The following UBE3D variants were observed in gnomAD, a reference collection of about 807,000 sequenced individuals.
UBE3D encodes the protein E3 ubiquitin-protein ligase E3D.
A neutral mutation model predicts 49.6 loss-of-function variants in UBE3D; 48 were observed. The observed-to-expected ratio is 0.97, with a 90% CI of 0.77 to 1.23. UBE3D has a LOEUF of 1.23. Among genes scored for constraint, UBE3D ranks in the 50% most tolerant of loss-of-function variants. The pLI is 0.00. For missense variants in UBE3D, 452 were observed against 468.4 expected (o/e 0.96, Z 0.32); for synonymous variants, 189 against 174.2 (o/e 1.08, Z -0.67).
chr6:82,987,829 G>C (rs1331775432), intron 8 of UBE3D, among the ~76,000 whole-genome samples: 1 of 152,154 alleles, frequency 6.6e-6, no homozygotes, highest in Middle Eastern at 3.2e-3. Flanking sequence ...AATGTCCACA[G>C]AAAGAATAAC....
intron 5 of UBE3D, among the ~76,000 whole-genome samples, chr6:83,025,882 TA>T (rs70987730): frequency 0.57 from 51,081 of 90,334 alleles, 11,228 homozygotes; most frequent in East Asian, 0.65. Context: ...GACTCCATCT[TA>T]AAAAAAAAAA....
At position 83,018,984 on chromosome 6, in the gene UBE3D, G is replaced by T. The variant is rs1245736040; in HGVS notation, c.999C>A (p.Ser333Arg). 1 of 1,612,492 alleles carries T rather than the reference G, an allele frequency of 6.2e-7. No individual in the cohort carries two copies. Among genetic ancestry groups the T allele is most frequent in the East Asian group, 2.2e-5 (1 of 44,792 alleles). ...AATGCACAACTTACTTTTCATTCCT[G>T]CTTTTGATGCATGGCTGGTAGAGGA... ...VKVLYQPCIK[S>R]RNEKLVSLWE... The change falls in exon 8 of 10, where the codon AGC (serine) becomes AGA (arginine). Residue 333 changes from serine (S) to arginine (R), a missense_variant. Coordinates refer to ENST00000369747, the MANE Select transcript of UBE3D (RefSeq NM_198920.3).
At position 82,892,399 on chromosome 6, in the gene UBE3D, G is replaced by A. The variant is rs1771006456; in HGVS notation, c.*623C>T. On this transcript the variant is annotated 3_prime_UTR_variant, in exon 10 of 10. Transcript: ENST00000369747. ...GAATAGAACAACTCTGTAACGGGAT[G>A]CTAGTGAGGTATATTTATTAATTTG... 1 of 156,426 alleles carries A rather than the reference G, an allele frequency of 6.4e-6. No homozygotes were observed. Among genetic ancestry groups the A allele is most frequent in the Admixed American group, 6.1e-5 (1 of 16,328 alleles). 9.7% of individuals were successfully genotyped at this position (156,426 alleles called of 1,614,324 possible).
At chr6:82,995,210 C>T (rs150155204) in intron 8 of UBE3D, among the ~76,000 whole-genome samples, 66 of 152,192 alleles carry the variant, frequency 4.3e-4, no homozygotes, top group African/African-American at 1.5e-3. Flanking sequence ...TAATGCCAAA[C>T]GCTAAGGATT....
chr6:83,048,581 A>T (rs571095415), intron 3 of UBE3D, among the ~76,000 whole-genome samples: 1 of 152,232 alleles, frequency 6.6e-6, no homozygotes, highest in Non-Finnish European at 1.5e-5. Context: ...AACTCACATT[A>T]ACACAAAATA....
intron 9 of UBE3D, among the ~76,000 whole-genome samples, chr6:82,949,949 A>G (rs1775667509): frequency 6.6e-6 from 1 of 152,180 alleles, no homozygotes; most frequent in Non-Finnish European, 1.5e-5. Context: ...AGGACATTGA[A>G]TTGGGCAAAG....
chr6:83,044,538 T>G lies in UBE3D; in HGVS notation c.487A>C (p.Ile163Leu). ...TTCACCAAGAAGAAAGAGTCTCCAA[T>G]AAAACAGTCATTCTCTTGCGGATGA... is the stretch of plus-strand genomic sequence containing the variant. ...SLHPQENDCF[I>L]GDSFFLVNLR... The change falls in exon 4 of 10, where the codon ATT (isoleucine) becomes CTT (leucine). Residue 163 changes from isoleucine to leucine, a missense_variant. Coordinates refer to ENST00000369747, the MANE Select transcript of UBE3D (RefSeq NM_198920.3). 1 of 1,614,140 alleles carries G rather than the reference T, an allele frequency of 6.2e-7. No individual in the cohort carries two copies. The highest frequency in any genetic ancestry group is 8.5e-7 in the Non-Finnish European group (1 of 1,180,000).
intron 8 of UBE3D, among the ~76,000 whole-genome samples, chr6:82,974,156 C>T (rs899251400): frequency 6.6e-6 from 1 of 152,120 alleles, no homozygotes; most frequent in Admixed American, 6.6e-5. Context: ...TACTTTTGCA[C>T]CAACCTACAA....
At chr6:82,929,048 T>G (rs1190623803) in intron 9 of UBE3D, among the ~76,000 whole-genome samples, 1 of 152,222 alleles carries the variant, frequency 6.6e-6, no homozygotes, top group Non-Finnish European at 1.5e-5. Context: ...CTATGATTCT[T>G]GCTTGATTGT....
chr6:82,891,975 C>T (rs558348179), downstream of UBE3D, among the ~76,000 whole-genome samples: 2 of 151,954 alleles, frequency 1.3e-5, no homozygotes, highest in African/African-American at 4.8e-5. Context: ...TGCAGTGAGC[C>T]GAGATCTCCA....
intron 4 of UBE3D, among the ~76,000 whole-genome samples, chr6:83,040,502 A>G (rs1782598091): frequency 1.3e-5 from 2 of 152,128 alleles, no homozygotes; most frequent in South Asian, 4.1e-4. Flanking sequence ...CCAGCCTCAA[A>G]CACATGCAAC....
At chr6:82,894,633 G>C (rs1339710170) in intron 9 of UBE3D, among the ~76,000 whole-genome samples, 1 of 152,076 alleles carries the variant, frequency 6.6e-6, no homozygotes, top group Non-Finnish European at 1.5e-5. Context: ...TAATAATAAT[G>C]ATTAGGAAAA....
intron 5 of UBE3D, among the ~76,000 whole-genome samples, chr6:83,026,540 A>G (rs1055804764): frequency 2.0e-5 from 3 of 152,010 alleles, no homozygotes; most frequent in Non-Finnish European, 2.9e-5. Flanking sequence ...ACAGAAAGGT[A>G]AAAAAAATAA....
chr6:82,919,432 T>TCTGCACTA (rs1773162152), intron 9 of UBE3D, among the ~76,000 whole-genome samples: 1 of 151,324 alleles, frequency 6.6e-6, no homozygotes, highest in Non-Finnish European at 1.5e-5. Flanking sequence ...TGAAACCCTG[T>TCTGCACTA]CTGCACTAAA....
At chr6:82,952,888 T>C (rs561918470) in intron 9 of UBE3D, among the ~76,000 whole-genome samples, 1 of 152,208 alleles carries the variant, frequency 6.6e-6, no homozygotes, top group East Asian at 1.9e-4. Context: ...ATTAGACTAG[T>C]TATTCCTTCT....
intron 9 of UBE3D, among the ~76,000 whole-genome samples, chr6:82,925,774 CAG>C (rs1221878217): frequency 2.0e-5 from 3 of 152,056 alleles, no homozygotes; most frequent in Non-Finnish European, 4.4e-5. Context: ...GGAATGATGA[CAG>C]AGTCAGCCTC....
chr6:83,031,096 C>T (rs1296567013), intron 5 of UBE3D, among the ~76,000 whole-genome samples: 2 of 152,166 alleles, frequency 1.3e-5, no homozygotes, highest in African/African-American at 4.8e-5. Flanking sequence ...CAACCTCTGC[C>T]TCCCAAATTC....
At chr6:82,979,823 T>G (rs1777987398) in intron 8 of UBE3D, among the ~76,000 whole-genome samples, 1 of 152,126 alleles carries the variant, frequency 6.6e-6, no homozygotes, top group Non-Finnish European at 1.5e-5. Context: ...TAGCTCCCAC[T>G]TGTAAGTAAG....
At chr6:82,984,026 A>T (rs1011702256) in intron 8 of UBE3D, among the ~76,000 whole-genome samples, 1 of 152,168 alleles carries the variant, frequency 6.6e-6, no homozygotes, top group East Asian at 1.9e-4. Flanking sequence ...AATCTATGAA[A>T]TCAGATATAT....
Sources: gnomAD v4.1 joint callset for allele counts (sites outside exome capture counted in the v4.1 genomes callset) on GRCh38, gnomAD v4.1.1 for gene constraint, MANE v1.5 for transcripts, NCBI Gene and HGNC (gene_info 2026-07-23, HGNC 2026-07-21) for gene names.